PRKDC: variants seen among roughly 807,000 people sequenced by gnomAD.
PRKDC encodes the protein protein kinase, DNA-activated, catalytic subunit, also known as DNA-dependent protein kinase catalytic subunit.
Under a neutral mutation model 486.9 loss-of-function variants are expected in PRKDC, and 82 were observed. The ratio of observed to expected loss-of-function variants is 0.17; its 90% CI spans 0.14 to 0.20. The LOEUF (loss-of-function observed/expected upper bound fraction) is 0.20, where lower values mean the gene tolerates loss of function less well. Among genes scored for constraint, PRKDC ranks in the 10% least tolerant of loss-of-function variants. PRKDC has a pLI of 1.00. For missense variants in PRKDC, 4,504 were observed against 5,038.2 expected (o/e 0.89, Z 3.21); for synonymous variants, 1,895 against 1,837.0 (o/e 1.03, Z -0.81).
chr8:47,800,770 G>A (rs753587599), intron 71 of PRKDC, 23 bp downstream of exon 71: 9 of 1,582,546 alleles, frequency 5.7e-6, no homozygotes, highest in South Asian at 2.3e-5. Flanking sequence ...GCACACTAGC[G>A]TAAAACATTC....
At chr8:47,861,961 G>T in intron 44 of PRKDC, 101 bp downstream of exon 44, 1 of 959,622 alleles carries the variant, frequency 1.0e-6, no homozygotes, top group South Asian at 1.7e-5. Context: ...AGTTTTTGTT[G>T]AAAGCCGACT....
intron 40 of PRKDC, among the ~76,000 whole-genome samples, chr8:47,877,334 G>A (rs755420159): frequency 7.9e-5 from 12 of 152,154 alleles, no homozygotes; most frequent in East Asian, 1.9e-4. Context: ...TGATAATTTC[G>A]TTCAGTTGAT....
At chr8:47,777,644 C>T in intron 84 of PRKDC, 42 bp downstream of exon 84, 1 of 1,521,768 alleles carries the variant, frequency 6.6e-7, no homozygotes, top group East Asian at 2.3e-5. Flanking sequence ...ATCACGGGGA[C>T]ACTGTCACAA....
At position 47,912,863 on chromosome 8, in the gene PRKDC, T is replaced by G. The variant is rs8178059; in HGVS notation, c.2782-301A>C. Reference sequence around the variant, plus strand: ...TAACTTTGCTTCATCTGTTAGCACATTTTCAACTATCACTTTAAGTAAAAA... The same window carrying G: ...TAACTTTGCTTCATCTGTTAGCACAGTTTCAACTATCACTTTAAGTAAAAA... On this transcript the variant is annotated intron_variant, in intron 24 of 85. Coordinates refer to ENST00000314191, the MANE Select transcript of PRKDC (RefSeq NM_006904.7). Among the ~76,000 whole-genome samples, 940 of 152,358 alleles carry G rather than the reference T, an allele frequency of 6.2e-3. 12 individuals are homozygous for G. Among genetic ancestry groups the G allele is most frequent in the African/African-American group, 0.022 (910 of 41,588 alleles).
At chr8:47,793,683 T>TATAA (rs2086925177) in intron 74 of PRKDC, among the ~76,000 whole-genome samples, 3 of 72,810 alleles carry the variant, frequency 4.1e-5, no homozygotes, top group Non-Finnish European at 8.7e-5. Context: ...TTAAAAAAAC[T>TATAA]AAAAAAAAAA....
In PRKDC at chr8:47,828,173, T is replaced by C. The variant is rs755239435; in HGVS notation, c.8572A>G (p.Ile2858Val). ...GAAGTGTGTGCAGACTTTACCTGAA[T>C]ACAAGAGACAAAGGGTGGAAAGAAA... is the stretch of plus-strand genomic sequence containing the variant. ...FSFFPPFVSC[I>V]QDISCQHAAL... is the part of the protein sequence containing the mutation. Residue 2858 changes from isoleucine (I) to valine (V), a missense_variant, in exon 62 of 86, where the codon ATT becomes GTT. Transcript: ENST00000314191. 1.9e-6 allele frequency: 3 copies of C among 1,613,058 alleles called. No homozygotes were observed. The highest frequency in any genetic ancestry group is 1.3e-5 in the African/African-American group (1 of 74,884).
intron 34 of PRKDC, 135 bp downstream of exon 34, chr8:47,888,383 T>A (rs1027492435): frequency 1.5e-6 from 1 of 677,844 alleles, no homozygotes; most frequent in Non-Finnish European, 2.2e-6. Flanking sequence ...TATCTACATG[T>A]CTTGAGCAAG....
rs371324065 is a variant in PRKDC at position 47,886,147 on chromosome 8, A to C, written c.4573T>G (p.Cys1525Gly). ...AGGAGAAGACTCACAAGGCGCTCAC[A>C]CTGGGAAAAAGAAAGGAGAAGTACC... ...LELAFAFGGL[C>G]ERLVSLLLNP... The change falls in exon 36 of 86, where the codon TGT becomes GGT. Residue 1525 changes from cysteine to glycine, a missense_variant and splice_region_variant. Coordinates refer to ENST00000314191, the MANE Select transcript of PRKDC (RefSeq NM_006904.7). 1.3e-6 allele frequency: 2 copies of C among 1,588,216 alleles called. No homozygotes were observed. The highest frequency in any genetic ancestry group is 1.7e-6 in the Non-Finnish European group (2 of 1,168,962).
Position 47,859,662 on chromosome 8 carries a change from A to G in PRKDC, c.6156T>C (p.Tyr2052=), listed in dbSNP as rs1589748405. ...QFDFSTGVQS[Y]SYSSQDPRPA... Reference sequence around the variant, plus strand: ...GTCTAGGGTCTTGGGAGCTGTATGAATAGCTCTGAACTCCGGTTGAGAAAT... The same window carrying G: ...GTCTAGGGTCTTGGGAGCTGTATGAGTAGCTCTGAACTCCGGTTGAGAAAT... Residue 2052 remains tyrosine (Y), a synonymous_variant, in exon 46 of 86, where the codon TAT becomes TAC. Transcript: ENST00000314191. The G allele has an allele frequency of 6.2e-7, 1 of 1,613,988 alleles. No homozygotes were observed. The highest frequency in any genetic ancestry group is 2.2e-5 in the East Asian group (1 of 44,876).
chr8:47,959,846 C>G, intron 1 of PRKDC, 127 bp downstream of exon 1: 1 of 1,426,434 alleles, frequency 7.0e-7, no homozygotes, highest in Non-Finnish European at 9.2e-7. Flanking sequence ...CAGAAATTCC[C>G]CCAAGAATCT....
At chr8:47,801,768 C>T (rs564736872) in intron 70 of PRKDC, among the ~76,000 whole-genome samples, 2 of 152,106 alleles carry the variant, frequency 1.3e-5, no homozygotes, top group Non-Finnish European at 2.9e-5. Context: ...ACTGAACCAG[C>T]GCTGGCTAAG....
At chr8:47,858,409 G>A (rs1164713156) in intron 48 of PRKDC, 107 bp downstream of exon 48, 2 of 1,128,640 alleles carry the variant, frequency 1.8e-6, no homozygotes, top group African/African-American at 1.6e-5. Context: ...CCTTTTTTGT[G>A]TGTGTTTTTA....
intron 85 of PRKDC, among the ~76,000 whole-genome samples, chr8:47,774,997 G>A (rs1246474782): frequency 6.6e-6 from 1 of 151,834 alleles, no homozygotes; most frequent in East Asian, 1.9e-4. Flanking sequence ...AGACCAGCCT[G>A]GCCAACATGG....
chr8:47,777,009 C>A (rs8178257), intron 84 of PRKDC, 26 bp from the exon 85 acceptor site: 1 of 1,602,522 alleles, frequency 6.2e-7, no homozygotes, highest in Non-Finnish European at 8.5e-7. Context: ...ATGATTTTCC[C>A]GGCTGATCAT....
intron 15 of PRKDC, 121 bp downstream of exon 15, chr8:47,933,844 T>C (rs1039081308): frequency 2.8e-6 from 3 of 1,059,506 alleles, no homozygotes; most frequent in Non-Finnish European, 3.8e-6. Flanking sequence ...ATTTTTGAAG[T>C]ACACTGTTTT....
intron 66 of PRKDC, among the ~76,000 whole-genome samples, chr8:47,820,270 G>A (rs982816608): frequency 1.1e-4 from 17 of 151,810 alleles, no homozygotes; most frequent in African/African-American, 3.4e-4. Context: ...AAAATTAGCC[G>A]AGGGCCTGTA....
At chr8:47,832,063 G>T in intron 59 of PRKDC, 137 bp from the exon 60 acceptor site, 1 of 701,268 alleles carries the variant, frequency 1.4e-6, no homozygotes, top group Non-Finnish European at 2.5e-6. Context: ...GGAGTGCAGG[G>T]GCCACAGCTG....
At chr8:47,943,632 T>C (rs1165918882) in intron 9 of PRKDC, among the ~76,000 whole-genome samples, 1 of 152,238 alleles carries the variant, frequency 6.6e-6, no homozygotes, top group Non-Finnish European at 1.5e-5. Flanking sequence ...CTGGATCCCC[T>C]GAAAGATACC....
chr8:47,898,430 T>C, intron 29 of PRKDC, 40 bp downstream of exon 29: 5 of 1,465,404 alleles, frequency 3.4e-6, no homozygotes, highest in South Asian at 1.2e-5. Flanking sequence ...ATTAGTTTTA[T>C]GTTGTGGGAA....
Sources: allele counts gnomAD v4.1 joint callset (sites outside exome capture counted in the v4.1 genomes callset), GRCh38; gene constraint gnomAD v4.1.1; transcripts MANE v1.5; gene names NCBI Gene and HGNC (gene_info 2026-07-23, HGNC 2026-07-21).